SAMSN1: variants seen among roughly 807,000 people sequenced by gnomAD.
SAMSN1 encodes SAM domain-containing protein SAMSN-1.
A neutral mutation model predicts 42.0 loss-of-function variants in SAMSN1; 31 were observed. The ratio of observed to expected loss-of-function variants is 0.74; its 90% CI spans 0.55 to 1.00. The LOEUF (loss-of-function observed/expected upper bound fraction) is 1.00, where lower values mean the gene tolerates loss of function less well. Ranked by LOEUF, SAMSN1 falls within the 50% of genes least tolerant of loss-of-function variation. SAMSN1 has a pLI of 0.00. For synonymous variants in SAMSN1, 178 were observed against 151.9 expected (o/e 1.17, Z -1.26); for missense variants, 464 against 439.4 (o/e 1.06, Z -0.50).
chr21:14,582,355 T>C (rs1259736630), exon 2 of SAMSN1: 1 of 1,550,192 alleles, frequency 6.5e-7, no homozygotes, highest in Admixed American at 2.0e-5. Flanking sequence ...AAGTGCTGGA[T>C]CTACCCAGTG....
intron 7 of SAMSN1, among the ~76,000 whole-genome samples, chr21:14,487,779 A>G (rs905645450): frequency 1.3e-5 from 2 of 152,166 alleles, no homozygotes; most frequent in African/African-American, 4.8e-5. Context: ...AATTTTAACT[A>G]TAGATTCAAA....
rs549313063 is a variant in SAMSN1 at position 14,529,329 on chromosome 21, T to C, written c.58-8108A>G. ...CTGTTATTACATGCTGTATCTCCAA[T>C]GGATAAAAATCCTACAGTCGTGAGA... is the stretch of plus-strand genomic sequence containing the variant. On this transcript the variant is annotated intron_variant, in intron 1 of 7. Transcript: ENST00000400566. 3.3e-5 allele frequency among the ~76,000 whole-genome samples: 5 copies of C among 152,354 alleles called. No homozygotes were observed. In the East Asian group the frequency reaches 7.7e-4, roughly 23 times the overall value.
intron 2 of SAMSN1, among the ~76,000 whole-genome samples, chr21:14,635,233 G>A (rs578094524): frequency 2.0e-4 from 31 of 152,208 alleles, no homozygotes; most frequent in Admixed American, 1.3e-3. Context: ...TAATGTATGC[G>A]GGGCTTAAAA....
intron 2 of SAMSN1, among the ~76,000 whole-genome samples, chr21:14,620,235 A>T (rs968256988): frequency 1.3e-5 from 2 of 152,162 alleles, no homozygotes. Context: ...CTCATCTTGA[A>T]TTGTAATCCC....
intron 6 of SAMSN1, 34 bp downstream of exon 6, chr21:14,500,495 C>T: frequency 6.3e-7 from 1 of 1,578,742 alleles, no homozygotes. Context: ...CATTTACATG[C>T]TTCCAAAAGC....
At chr21:14,508,983 C>T (rs1160973117) in intron 5 of SAMSN1, among the ~76,000 whole-genome samples, 3 of 151,910 alleles carry the variant, frequency 2.0e-5, no homozygotes, top group Non-Finnish European at 4.4e-5. Flanking sequence ...CAAAAATTAG[C>T]TGGGTGCGGT....
At chr21:14,493,862 A>G (rs1396640229) in intron 7 of SAMSN1, among the ~76,000 whole-genome samples, 1 of 152,176 alleles carries the variant, frequency 6.6e-6, no homozygotes, top group African/African-American at 2.4e-5. Flanking sequence ...AATTCCAAAT[A>G]TCTATGCTGG....
At chr21:14,583,516 A>G (rs766909110), upstream of SAMSN1, 2 of 592,544 alleles carry the variant, frequency 3.4e-6, no homozygotes, top group African/African-American at 3.8e-5. Flanking sequence ...CTGTTTTAAA[A>G]TAACTTGGCA....
At chr21:14,526,115 G>T (rs367729415) in intron 1 of SAMSN1, among the ~76,000 whole-genome samples, 1 of 152,110 alleles carries the variant, frequency 6.6e-6, no homozygotes. Context: ...CAATTCGCCC[G>T]CCTTGGCCTC....
intron 2 of SAMSN1, among the ~76,000 whole-genome samples, chr21:14,631,341 C>T (rs1370986673): frequency 6.6e-6 from 1 of 152,202 alleles, no homozygotes; most frequent in Non-Finnish European, 1.5e-5. Flanking sequence ...ATAGTTTTCT[C>T]ATTTTATAGG....
chr21:14,521,509 T>C (rs1189335211), intron 1 of SAMSN1, among the ~76,000 whole-genome samples: 1 of 152,244 alleles, frequency 6.6e-6, no homozygotes, highest in African/African-American at 2.4e-5. Context: ...TTTTGCTCTT[T>C]GAAGTGGCAG....
rs1356633681 is a variant in SAMSN1, at chr21:14,577,276, ATATATATATTTT to A, written c.261+4848_261+4859del. Among the ~76,000 whole-genome samples the A allele has an allele frequency of 1.8e-4, 9 of 50,308 alleles. 1 individual carries two copies. The highest frequency in any genetic ancestry group is 7.5e-4 in the African/African-American group (6 of 8,052). The allele number at this position is 50,308 out of a possible 152,430, so 33.0% of individuals were successfully genotyped here. ...TATATATATATATATATATATATAT[ATATATATATTTT>A]TTTTTTAGAAGAGACAGGGTTTTAC... On this transcript the variant is annotated intron_variant, in intron 2 of 8. Transcript: ENST00000285670.
chr21:14,565,954 G>T (rs1981104420), intron 2 of SAMSN1, among the ~76,000 whole-genome samples: 2 of 152,304 alleles, frequency 1.3e-5, no homozygotes, highest in South Asian at 4.1e-4. Context: ...TCTTGACAAT[G>T]AAAATAACAG....
chr21:14,522,732 C>A (rs183433190), intron 1 of SAMSN1, among the ~76,000 whole-genome samples: 1 of 152,060 alleles, frequency 6.6e-6, no homozygotes. Context: ...GAAACAAATG[C>A]GATCCATACA....
intron 2 of SAMSN1, among the ~76,000 whole-genome samples, chr21:14,564,167 AT>A (rs1981034348): frequency 6.6e-6 from 1 of 152,196 alleles, no homozygotes; most frequent in Non-Finnish European, 1.5e-5. Flanking sequence ...TTCAAATCAG[AT>A]AATCTAAGAG....
rs189574940 is a variant in SAMSN1, at chr21:14,602,019, T to C, written c.399+4A>G. ...AACACGCAAATGCTGATTATTCACA[T>C]TACCTGATAGGAAGTTCCTTGTAGA... On this transcript the variant is annotated splice_donor_region_variant and intron_variant, in intron 6 of 15. Transcript: ENST00000647101. The C allele has an allele frequency of 1.4e-4, 99 of 687,398 alleles. 1 individual carries two copies. The East Asian group carries it at 2.4e-3, about 17-fold the overall frequency. 42.6% of individuals were successfully genotyped at this position (687,398 alleles called of 1,614,324 possible). A position where few individuals can be genotyped will look rare whatever the true frequency, so the allele number is the denominator to read the frequency against.
chr21:14,616,158 GA>G (rs1306265327), intron 2 of SAMSN1: 1 of 343,866 alleles, frequency 2.9e-6, no homozygotes, highest in Non-Finnish European at 5.5e-6. Flanking sequence ...TAGTGAAAAA[GA>G]CTGATATGTC....
intron 2 of SAMSN1, among the ~76,000 whole-genome samples, chr21:14,579,121 C>T (rs547007695): frequency 6.6e-6 from 1 of 152,278 alleles, no homozygotes; most frequent in South Asian, 2.1e-4. Flanking sequence ...AATTTGCACT[C>T]ATCCAACTTC....
At chr21:14,606,676 A>G (rs190886176) in intron 5 of SAMSN1, among the ~76,000 whole-genome samples, 3 of 152,326 alleles carry the variant, frequency 2.0e-5, no homozygotes, top group Admixed American at 2.0e-4. Flanking sequence ...TTTTAGTTGT[A>G]AAGTCCTAAG....
Sources: gnomAD v4.1 joint callset for allele counts (sites outside exome capture counted in the v4.1 genomes callset) on GRCh38, gnomAD v4.1.1 for gene constraint, MANE v1.5 for transcripts, NCBI Gene and HGNC (gene_info 2026-07-23, HGNC 2026-07-21) for gene names.